The following OGG1 variants were observed in gnomAD, a reference collection of about 807,000 sequenced individuals.
The protein encoded by OGG1 is N-glycosylase/DNA lyase.
In OGG1, 35 loss-of-function variants were observed where a neutral mutation model predicts 42.3. That is an observed-to-expected ratio of 0.83 (90% CI 0.63 to 1.10). The LOEUF is 1.10. OGG1 is among the 50% of genes least tolerant of loss of function. OGG1 has a pLI of 0.00. For missense variants in OGG1, 484 were observed against 446.7 expected, an observed-to-expected ratio of 1.08 and a Z score of -0.75; for synonymous variants, 189 against 179.0, an observed-to-expected ratio of 1.06 and a Z score of -0.44.
In OGG1 at chr3:9,756,770, AC is replaced by A; in HGVS notation, c.903del (p.Phe303SerfsTer103). 6.2e-7 allele frequency: 1 copy of A among 1,614,042 alleles called. No homozygotes were observed. The highest frequency in any genetic ancestry group is 8.5e-7 in the Non-Finnish European group (1 of 1,179,992). On this transcript the variant is annotated frameshift_variant, in exon 6 of 7. Transcript: ENST00000344629. LOFTEE classifies it high-confidence loss of function. ...AGTCTCATCACTTCTGATTTAGGAA[AC>A]TTTTTCCGGAGCCTGTGGGGACCTT... ...PSPQTNKELG[N>X]FFRSLWGPYA...
chr3:9,780,051 A>G, intron 2 of OGG1: 1 of 279,124 alleles, frequency 3.6e-6, no homozygotes, highest in Non-Finnish European at 6.7e-6. Context: ...AAGGGGAGAC[A>G]GGGGTAGGGG....
At chr3:9,755,593 A>C (rs1559687235) in intron 4 of OGG1, among the ~76,000 whole-genome samples, 1 of 149,996 alleles carries the variant, frequency 6.7e-6, no homozygotes, top group African/African-American at 2.5e-5. Flanking sequence ...CCTCCAGATT[A>C]GCTGGGATTA....
chr3:9,776,220 C>G (rs182405220), intron 2 of OGG1, among the ~76,000 whole-genome samples: 25 of 152,092 alleles, frequency 1.6e-4, no homozygotes, highest in Admixed American at 8.5e-4. Context: ...GCCAGCTGTT[C>G]ACACCTCTGT....
chr3:9,780,482 T>C, intron 2 of OGG1: 1 of 1,610,888 alleles, frequency 6.2e-7, no homozygotes, highest in Non-Finnish European at 8.5e-7. Flanking sequence ...AAGGCGTCCA[T>C]GACCTCGTTG....
downstream of OGG1, among the ~76,000 whole-genome samples, chr3:9,790,299 CTCAA>C (rs1216559657): frequency 6.6e-6 from 1 of 152,234 alleles, no homozygotes; most frequent in African/African-American, 2.4e-5. Flanking sequence ...GATGCCTTCT[CTCAA>C]TCAGTTACCC....
chr3:9,787,247 C>T, intron 3 of OGG1: 2 of 1,614,234 alleles, frequency 1.2e-6, no homozygotes, highest in Non-Finnish European at 1.7e-6. Flanking sequence ...TTCTTCTTGT[C>T]AGCCACAGCC....
intron 5 of OGG1, 42 bp downstream of exon 5, chr3:9,756,663 G>A (rs879689320): frequency 2.5e-6 from 4 of 1,612,306 alleles, no homozygotes; most frequent in Non-Finnish European, 2.5e-6. Flanking sequence ...GGGCTGGGAT[G>A]GTAGAAACTT....
intron 2 of OGG1, among the ~76,000 whole-genome samples, chr3:9,778,614 G>A (rs973407387): frequency 6.6e-6 from 1 of 152,152 alleles, no homozygotes; most frequent in African/African-American, 2.4e-5. Context: ...AGGAGAGCAG[G>A]TCACTGGGGT....
At chr3:9,785,010 T>C (rs1275622424) in intron 3 of OGG1, among the ~76,000 whole-genome samples, 3 of 152,260 alleles carry the variant, frequency 2.0e-5, no homozygotes, top group Non-Finnish European at 2.9e-5. Flanking sequence ...TATTTCTCTA[T>C]ACTTGCAGCT....
downstream of OGG1, chr3:9,757,558 G>T (rs774266419): frequency 1.2e-6 from 2 of 1,614,054 alleles, no homozygotes; most frequent in Non-Finnish European, 8.5e-7. The surrounding 1 kb of genome is among the most constrained non-coding windows in gnomAD (Gnocchi z 4.5). Context: ...GTGGGGCAGT[G>T]TGGGGGACAG....
At chr3:9,757,650 C>T (rs528036291), downstream of OGG1, 21 of 1,613,960 alleles carry the variant, frequency 1.3e-5, no homozygotes, top group African/African-American at 5.3e-5. The surrounding 1 kb of genome is among the most constrained non-coding windows in gnomAD (Gnocchi z 4.5). Flanking sequence ...CAGAGGTGGC[C>T]GCAGGGGCAG....
intron 1 of OGG1, chr3:9,750,735 C>T (rs1178520896): frequency 1.4e-6 from 1 of 727,336 alleles, no homozygotes; most frequent in Admixed American, 2.4e-5. Flanking sequence ...GGCGCAGCCT[C>T]CCGAGTAGCT....
At chr3:9,753,351 C>CA (rs56205013) in intron 3 of OGG1, among the ~76,000 whole-genome samples, 2,389 of 72,914 alleles carry the variant, frequency 0.033, 66 homozygotes, top group African/African-American at 0.1. Context: ...GACTCCGTCT[C>CA]AAAAAAAAAA....
chr3:9,781,909 G>A (rs1404380868), intron 3 of OGG1, among the ~76,000 whole-genome samples: 1 of 139,740 alleles, frequency 7.2e-6, no homozygotes, highest in East Asian at 2.1e-4. Context: ...GCCTGATCAA[G>A]CTCACTGCAG....
rs764643047 is a variant in OGG1, at chr3:9,750,336, C to T, written c.50C>T (p.Ala17Val). 1.2e-6 allele frequency: 2 copies of T among 1,613,980 alleles called. No individual in the cohort carries two copies. The highest frequency in any genetic ancestry group is 1.7e-6 in the Non-Finnish European group (2 of 1,180,020). The change falls in exon 1 of 7, where the codon GCC (alanine) becomes GTC (valine). Residue 17 changes from alanine to valine, a missense_variant. Transcript: ENST00000344629. ...AGGCGCATGGGGCATCGTACTCTAG[C>T]CTCCACTCCTGCCCTGTGGGCCTCC... is the stretch of plus-strand genomic sequence containing the variant. ...LPRRMGHRTL[A>V]STPALWASIP...
chr3:9,776,459 G>C (rs1301813350), intron 2 of OGG1, among the ~76,000 whole-genome samples: 3 of 143,554 alleles, frequency 2.1e-5, no homozygotes, highest in Admixed American at 1.5e-4. Flanking sequence ...GCGCGATCTC[G>C]GCTCACTGCA....
At chr3:9,762,582 G>C (rs948390961) in intron 7 of OGG1, among the ~76,000 whole-genome samples, 22 of 151,926 alleles carry the variant, frequency 1.4e-4, no homozygotes, top group African/African-American at 5.3e-4. Context: ...TTGCCAAGCT[G>C]GTCTCGAACT....
chr3:9,763,169 C>T, intron 7 of OGG1: 1 of 1,614,090 alleles, frequency 6.2e-7, no homozygotes, highest in Non-Finnish European at 8.5e-7. Flanking sequence ...GTGGCCCCCA[C>T]TCTCATAGAT....
At chr3:9,765,525 T>C (rs183710735) in intron 7 of OGG1, among the ~76,000 whole-genome samples, 1 of 152,318 alleles carries the variant, frequency 6.6e-6, no homozygotes, top group Admixed American at 6.5e-5. Flanking sequence ...GTTAAACCCC[T>C]GTGACTAAGC....
Sources: gnomAD v4.1 joint callset for allele counts (sites outside exome capture counted in the v4.1 genomes callset) on GRCh38, gnomAD v4.1.1 for gene constraint, Gnocchi (gnomAD v3.1) non-coding constraint, MANE v1.5 for transcripts, NCBI Gene and HGNC (gene_info 2026-07-23, HGNC 2026-07-21) for gene names.